The following CPSF7 variants were observed in gnomAD, a reference collection of about 807,000 sequenced individuals.
CPSF7 encodes cleavage and polyadenylation specificity factor subunit 7.
In CPSF7, 1 loss-of-function variant was observed where a neutral mutation model predicts 44.3. That is an observed-to-expected ratio of 0.02 (90% CI 0.01 to 0.11). The LOEUF (loss-of-function observed/expected upper bound fraction) is 0.11. Among genes scored for constraint, CPSF7 ranks in the 10% least tolerant of loss-of-function variants. The probability of loss-of-function intolerance (pLI) is 1.00; values close to 1 mark genes in which losing one functional copy is unlikely to be tolerated. For synonymous variants in CPSF7, 202 were observed against 222.0 expected (o/e 0.91, Z 0.80); for missense variants, 443 against 607.2 (o/e 0.73, Z 2.84).
chr11:61,406,923 G>A (rs892560885), intron 9 of CPSF7, among the ~76,000 whole-genome samples: 2 of 152,104 alleles, frequency 1.3e-5, no homozygotes, highest in Non-Finnish European at 2.9e-5. Flanking sequence ...GACTACAGGA[G>A]CACATCACCA....
At chr11:61,420,362 A>G in intron 4 of CPSF7, 108 bp downstream of exon 4, 1 of 1,006,560 alleles carries the variant, frequency 9.9e-7, no homozygotes, top group Non-Finnish European at 1.5e-6. Flanking sequence ...CCAAGGCAGT[A>G]AGCTGGGCCA....
At chr11:61,420,823 G>T in intron 3 of CPSF7, 1 of 547,620 alleles carries the variant, frequency 1.8e-6, no homozygotes, top group Non-Finnish European at 3.3e-6. Context: ...TGCCGTTTGG[G>T]CTGGCTGGTC....
intron 2 of CPSF7, among the ~76,000 whole-genome samples, chr11:61,423,255 C>T (rs1861062425): frequency 1.4e-5 from 2 of 145,024 alleles, no homozygotes; most frequent in Non-Finnish European, 3.0e-5. Flanking sequence ...TCACTGCAAC[C>T]TCTGCCTCTT....
intron 9 of CPSF7, chr11:61,410,713 G>A (rs993350758): frequency 7.6e-6 from 3 of 397,094 alleles, no homozygotes; most frequent in Non-Finnish European, 1.3e-5. Flanking sequence ...CTCTCACTCA[G>A]ATACCAGGTT....
rs754979724 is a variant in CPSF7 at position 61,420,489 on chromosome 11, C to T, written c.358G>A (p.Ala120Thr). 6.2e-7 allele frequency: 1 copy of T among 1,613,926 alleles called. No individual in the cohort carries two copies. Among genetic ancestry groups the T allele is most frequent in the African/African-American group, 1.3e-5 (1 of 75,026 alleles). The stretch of plus-strand genomic sequence containing the variant: ...CCTCACCCTTTGGACTGGCCATTTG[C>T]TCGATTCTCTGCAAATTTCAACTCC... ...VVELKFAENR[A>T]NGQSKGYAEV... The change falls in exon 4 of 10, where the codon GCA (alanine) becomes ACA (threonine). Residue 120 changes from alanine to threonine, a missense_variant. Physicochemically the swap from Ala to Thr is moderately conservative, Grantham distance 58 (BLOSUM62 0). Transcript: ENST00000439958.
At chr11:61,417,323 A>G (rs1161302971) in intron 5 of CPSF7, among the ~76,000 whole-genome samples, 1 of 152,250 alleles carries the variant, frequency 6.6e-6, no homozygotes, top group East Asian at 1.9e-4. Context: ...ACATGCTAGT[A>G]TGGTGCTGTG....
At position 61,416,242 on chromosome 11, in the gene CPSF7, A is replaced by G. The variant is rs752168483; in HGVS notation, c.801T>C (p.His267=). Residue 267 remains histidine, a synonymous_variant, in exon 6 of 10, where the codon CAT becomes CAC. Coordinates refer to ENST00000439958, the MANE Select transcript of CPSF7 (RefSeq NM_001142565.3). Reference sequence around the variant, plus strand: ...TGGCCCCAGGGGGAGGTACAGCAAGATGAGGAGGTAATCGAGGAGGTGGGG... The same window carrying G: ...TGGCCCCAGGGGGAGGTACAGCAAGGTGAGGAGGTAATCGAGGAGGTGGGG... The part of the protein sequence containing the change: ...LMPPPPRLPP[H]LAVPPPGAIP... The G allele has an allele frequency of 1.3e-6, 2 of 1,533,684 alleles. No individual in the cohort carries two copies. The highest frequency in any genetic ancestry group is 2.3e-5 in the East Asian group (1 of 43,900).
At chr11:61,416,067 T>C in intron 6 of CPSF7, 38 bp downstream of exon 6, 2 of 1,472,770 alleles carry the variant, frequency 1.4e-6, no homozygotes, top group South Asian at 2.9e-5. Flanking sequence ...TACACTTATT[T>C]ACCCTGGCTC....
intron 9 of CPSF7, among the ~76,000 whole-genome samples, chr11:61,410,388 T>G (rs1859747968): frequency 6.6e-6 from 1 of 152,158 alleles, no homozygotes; most frequent in South Asian, 2.1e-4. Context: ...CAAGCCTAAT[T>G]CTTAAAATCA....
intron 9 of CPSF7, among the ~76,000 whole-genome samples, chr11:61,408,638 G>T (rs1057262542): frequency 6.6e-6 from 1 of 152,132 alleles, no homozygotes; most frequent in Non-Finnish European, 1.5e-5. Context: ...AATCTTTCCA[G>T]AAGTTTTCCT....
At chr11:61,416,082 C>G (rs80264062) in intron 6 of CPSF7, 23 bp downstream of exon 6, 87,263 of 1,487,734 alleles carry the variant, frequency 0.059, 3,018 homozygotes, top group Middle Eastern at 0.12. Flanking sequence ...TGGCTCAAAT[C>G]TGAAAGGAAC....
At chr11:61,419,891 C>A (rs778869074) in intron 5 of CPSF7, 58 bp downstream of exon 5, 6 of 1,481,302 alleles carry the variant, frequency 4.1e-6, no homozygotes, top group Middle Eastern at 2.1e-4. Flanking sequence ...CCCACAAACA[C>A]CCCCCCCTCA....
At chr11:61,414,710 G>T (rs1371142651) in intron 7 of CPSF7, among the ~76,000 whole-genome samples, 1 of 152,176 alleles carries the variant, frequency 6.6e-6, no homozygotes, top group Non-Finnish European at 1.5e-5. Context: ...GTGAAAACCG[G>T]ACCAGAACTC....
At chr11:61,429,133 AT>A in intron 2 of CPSF7, 48 bp downstream of exon 2, 1 of 1,094,702 alleles carries the variant, frequency 9.1e-7, no homozygotes, top group Non-Finnish European at 1.4e-6. Context: ...GCTGAAAATG[AT>A]TCCTCAGATG....
intron 7 of CPSF7, among the ~76,000 whole-genome samples, chr11:61,413,100 T>C (rs1379498306): frequency 6.6e-6 from 1 of 152,060 alleles, no homozygotes; most frequent in East Asian, 1.9e-4. Flanking sequence ...TTTTCAAAAA[T>C]TTTTTGTAGA....
At chr11:61,413,033 C>T (rs893656007) in intron 7 of CPSF7, among the ~76,000 whole-genome samples, 9 of 152,250 alleles carry the variant, frequency 5.9e-5, no homozygotes, top group African/African-American at 2.2e-4. Flanking sequence ...TAGCTCACTG[C>T]ATCCTTGAAC....
At chr11:61,411,602 T>C (rs1056408002) in intron 8 of CPSF7, among the ~76,000 whole-genome samples, 167 bp downstream of exon 8, 2 of 152,222 alleles carry the variant, frequency 1.3e-5, no homozygotes, top group Non-Finnish European at 2.9e-5. Flanking sequence ...ACAACACTTA[T>C]TAATGAAAGC....
chr11:61,429,846 TCCC>T (rs1861794795), intron 1 of CPSF7, 65 bp downstream of exon 1: 3 of 1,544,452 alleles, frequency 1.9e-6, no homozygotes, highest in Non-Finnish European at 2.6e-6. Context: ...CCGACCCCCT[TCCC>T]GCCTCAGTGC....
chr11:61,413,116 G>C (rs1860000075), intron 7 of CPSF7, among the ~76,000 whole-genome samples: 1 of 151,866 alleles, frequency 6.6e-6, no homozygotes, highest in South Asian at 2.1e-4. Context: ...GTAGAGATGG[G>C]GTCTCACTAT....
Sources: allele counts gnomAD v4.1 joint callset (sites outside exome capture counted in the v4.1 genomes callset), GRCh38; gene constraint gnomAD v4.1.1; transcripts MANE v1.5; gene names NCBI Gene and HGNC (gene_info 2026-07-23, HGNC 2026-07-21).